PCSK7: variants seen among roughly 807,000 people sequenced by gnomAD.
PCSK7 encodes lymphoma proprotein convertase.
Under a neutral mutation model 73.3 loss-of-function variants are expected in PCSK7, and 38 were observed. The observed-to-expected ratio is 0.52, with a 90% confidence interval of 0.40 to 0.68. PCSK7 has a LOEUF of 0.68. Ranked by LOEUF, PCSK7 falls within the 30% of genes least tolerant of loss-of-function variation. PCSK7 has a pLI of 0.00. For missense variants in PCSK7, 692 were observed against 991.5 expected (o/e 0.70, Z 4.06); for synonymous variants, 296 against 383.8 (o/e 0.77, Z 2.68).
At chr11:117,219,487 G>A (rs2032110711) in intron 10 of PCSK7, 104 bp downstream of exon 10, 1 of 1,119,524 alleles carries the variant, frequency 8.9e-7, no homozygotes. Flanking sequence ...CTCTGAAAGA[G>A]ACTTAGTATC....
Position 117,218,396 on chromosome 11 carries a change from G to T in PCSK7, c.1534+70C>A. On this transcript the variant is annotated intron_variant, in intron 12 of 16. Transcript: ENST00000320934. This position sits in a 1 kb window ranked among gnomAD's most constrained non-coding sequence, Gnocchi z 4.0. ...GGGTAGAATCTGGCAGGGAGGACGA[G>T]TTTAACTTCCTTGTCACCCGGCCCC... 1 of 822,416 alleles carries T rather than the reference G, an allele frequency of 1.2e-6. No homozygotes were observed. The highest frequency in any genetic ancestry group is 1.9e-6 in the Non-Finnish European group (1 of 527,382). The allele number at this position is 822,416 out of a possible 1,614,324, so 50.9% of individuals were successfully genotyped here.
chr11:117,224,998 G>A (rs993590040), intron 6 of PCSK7: 9 of 506,358 alleles, frequency 1.8e-5, no homozygotes, highest in African/African-American at 1.7e-4. Context: ...AGCCCATAGT[G>A]GCAGAGAGGG....
At chr11:117,211,952 T>C (rs1229755138) in intron 12 of PCSK7, 2 of 152,254 alleles carry the variant, frequency 1.3e-5, no homozygotes, top group Admixed American at 1.3e-4. Context: ...GAATGGTACC[T>C]AGCTAATGTT....
intron 3 of PCSK7, among the ~76,000 whole-genome samples, chr11:117,228,638 G>A (rs530052429): frequency 1.4e-5 from 2 of 147,900 alleles, no homozygotes; most frequent in South Asian, 4.3e-4. Flanking sequence ...TTTTGAGACG[G>A]AGTCTTGCTC....
At chr11:117,215,364 T>TTTTTGTGTGTGTGTG (rs57433360) in intron 12 of PCSK7, 1 of 84,902 alleles carries the variant, frequency 1.2e-5, no homozygotes, top group African/African-American at 7.5e-5. Context: ...CCTGGCTAAT[T>TTTTTGTGTGTGTGTG]TGTGTGTGTG....
rs749915029 is a variant in PCSK7, at chr11:117,227,202, T to C, written c.724A>G (p.Asn242Asp). 6 of 1,611,548 alleles carry C rather than the reference T, an allele frequency of 3.7e-6. No homozygotes were observed. The Admixed American group carries it at 5.0e-5, about 14-fold the overall frequency. The change falls in exon 5 of 17, where the codon AAC (asparagine) becomes GAC (aspartate). Residue 242 changes from asparagine to aspartate, a missense_variant. By Grantham distance (23) the Asn-to-Asp change is conservative. Coordinates refer to ENST00000320934, the MANE Select transcript of PCSK7 (RefSeq NM_004716.4). ...CAGEIAAVPN[N>D]SFCAVGVAYG... ...GCCACGCCCACGGCACAGAAGCTGT[T>C]GTTGGGCACAGCCGCGATCTCTCCT...
intron 12 of PCSK7, chr11:117,215,380 G>GTGTGTGTGTGTGTATGTA (rs1164738557): frequency 3.6e-5 from 2 of 55,896 alleles, no homozygotes; most frequent in Admixed American, 2.1e-4. Context: ...GTGTGTGTGT[G>GTGTGTGTGTGTGTATGTA]TATATATATA....
At position 117,218,592 on chromosome 11, in the gene PCSK7, G is replaced by T; in HGVS notation, c.1432-24C>A. On this transcript the variant is annotated intron_variant, in intron 11 of 16. Coordinates refer to ENST00000320934, the MANE Select transcript of PCSK7 (RefSeq NM_004716.4). This position sits in a 1 kb window ranked among gnomAD's most constrained non-coding sequence, Gnocchi z 4.0. Reference sequence around the variant, plus strand: ...ATCTATGAAAGGAAAGGAGGGGATGGCAAATCAACAAACAAGAATGATCAC... The same window carrying T: ...ATCTATGAAAGGAAAGGAGGGGATGTCAAATCAACAAACAAGAATGATCAC... The T allele has an allele frequency of 7.6e-7, 1 of 1,316,166 alleles. No homozygotes were observed. The highest frequency in any genetic ancestry group is 1.1e-6 in the Non-Finnish European group (1 of 926,676). 81.5% of individuals were successfully genotyped at this position (1,316,166 alleles called of 1,614,324 possible).
chr11:117,227,114 C>A, intron 5 of PCSK7, 43 bp downstream of exon 5: 1 of 1,519,962 alleles, frequency 6.6e-7, no homozygotes, highest in South Asian at 1.2e-5. Context: ...AGACTGTGGT[C>A]ACAGGAGCAG....
Position 117,219,714 on chromosome 11 carries a change from C to G in PCSK7, c.1200G>C (p.Glu400Asp). The change falls in exon 10 of 17, where the codon GAG (glutamate) becomes GAC (aspartate). Residue 400 changes from glutamate to aspartate, a missense_variant. Transcript: ENST00000320934. ...CTGCAGCTGAGGTCCCTGTGTGGCCCTCAGTGCAGCCAGTGCCCTTCTGAA... is the reference window on the plus strand; with the variant it reads ...CTGCAGCTGAGGTCCCTGTGTGGCCGTCAGTGCAGCCAGTGCCCTTCTGAA... ...WDLQKGTGCT[E>D]GHTGTSAAAP... 6.2e-7 allele frequency: 1 copy of G among 1,606,584 alleles called. No individual in the cohort carries two copies. Among genetic ancestry groups the G allele is most frequent in the Non-Finnish European group, 8.5e-7 (1 of 1,176,722 alleles).
rs780059016 is a variant in PCSK7 at position 117,223,285 on chromosome 11, T to G, written c.1078A>C (p.Met360Leu). Reference sequence around the variant, plus strand: ...GCACATTCTTCTGCATAGAAAGGCATGCGTCCCTCCTCATCCACAGCTCCT... The same window carrying G: ...GCACATTCTTCTGCATAGAAAGGCAGGCGTCCCTCCTCATCCACAGCTCCT... Reference protein sequence around the residue: ...TIGAVDEEGRMPFYAEECASM... With the variant: ...TIGAVDEEGRLPFYAEECASM... Residue 360 changes from methionine (M) to leucine (L), a missense_variant, in exon 9 of 17, where the codon ATG becomes CTG. Transcript: ENST00000320934. 10 of 1,612,258 alleles carry G rather than the reference T, an allele frequency of 6.2e-6. No individual in the cohort carries two copies. The East Asian group carries it at 1.6e-4, about 25-fold the overall frequency.
In PCSK7 at chr11:117,229,793, G is replaced by T. The variant is rs1481755004; in HGVS notation, c.52C>A (p.Pro18Thr). Reference sequence around the variant, plus strand: ...GCTAATTCCAGCCAGAGGCAGGTGGGCAGGCCCAGGGGGGCATCCAAGTGT... The same window carrying T: ...GCTAATTCCAGCCAGAGGCAGGTGGTCAGGCCCAGGGGGGCATCCAAGTGT... Reference protein sequence around the residue: ...VPHLDAPLGLPTCLWLELAGL... With the variant: ...VPHLDAPLGLTTCLWLELAGL... Residue 18 changes from proline to threonine, a missense_variant, in exon 3 of 17, where the codon CCC becomes ACC. This residue lies in a region of PCSK7 where 574 missense variants were observed against 689.8 expected (regional missense o/e 0.83). Coordinates refer to ENST00000320934, the MANE Select transcript of PCSK7 (RefSeq NM_004716.4). 1 of 1,608,408 alleles carries T rather than the reference G, an allele frequency of 6.2e-7. No individual in the cohort carries two copies. Among genetic ancestry groups the T allele is most frequent in the Admixed American group, 1.7e-5 (1 of 59,616 alleles).
intron 16 of PCSK7, 22 bp from the exon 17 acceptor site, chr11:117,206,378 A>G (rs766483937): frequency 2.5e-6 from 4 of 1,588,460 alleles, no homozygotes; most frequent in Middle Eastern, 1.7e-4. Context: ...GCAAGCACCT[A>G]CGTGAGGCAC....
In PCSK7 at chr11:117,228,294, A is replaced by G. The variant is rs534958050; in HGVS notation, c.525T>C (p.Asn175=). 6.2e-7 allele frequency: 1 copy of G among 1,613,916 alleles called. No individual in the cohort carries two copies. Among genetic ancestry groups the G allele is most frequent in the Non-Finnish European group, 8.5e-7 (1 of 1,179,890 alleles). Residue 175 remains asparagine, a synonymous_variant, in exon 4 of 17, where the codon AAT becomes AAC. Transcript: ENST00000320934. The stretch of plus-strand genomic sequence containing the variant: ...CCACCGTCACCCCTCGCCCAGTCAC[A>G]TTGCGTTCCCACACACCCGTCACGT... ...DINVTGVWER[N]VTGRGVTVVV... is the part of the protein sequence containing the mutation.
Position 117,218,527 on chromosome 11 carries a change from G to A in PCSK7, c.1473C>T (p.Pro491=), listed in dbSNP as rs370459238. The stretch of plus-strand genomic sequence containing the variant: ...GAATCGCCTTGTTTTCTTTTAACAC[G>A]GGACTGACGTAGGATGCTAAGTAAG... ...SVPYLASYVS[P]VLKENKAIPQ... The change falls in exon 12 of 17, where the codon CCC becomes CCT. Residue 491 remains proline (P), a synonymous_variant. Transcript: ENST00000320934. This position sits in a 1 kb window ranked among gnomAD's most constrained non-coding sequence, Gnocchi z 4.0. 22 of 1,610,126 alleles carry A rather than the reference G, an allele frequency of 1.4e-5. No homozygotes were observed. The highest frequency in any genetic ancestry group is 1.8e-5 in the Non-Finnish European group (21 of 1,178,012).
Position 117,204,930 on chromosome 11 carries a change from C to G in PCSK7, c.*1067G>C. 1 of 206,102 alleles carries G rather than the reference C, an allele frequency of 4.9e-6. No homozygotes were observed. The highest frequency in any genetic ancestry group is 1.0e-5 in the Non-Finnish European group (1 of 98,788). The allele number at this position is 206,102 out of a possible 1,614,324, so 12.8% of individuals were successfully genotyped here. A position where few individuals can be genotyped will look rare whatever the true frequency, so the allele number is the denominator to read the frequency against. ...GAAGGACCCTTCATGTGCCAAGATTCCAGGACAGTCAGATTCTTTCAGAGG... is the reference window on the plus strand; with the variant it reads ...GAAGGACCCTTCATGTGCCAAGATTGCAGGACAGTCAGATTCTTTCAGAGG... On this transcript the variant is annotated 3_prime_UTR_variant, in exon 17 of 17. Transcript: ENST00000320934.
At chr11:117,225,319 C>T (rs1330243133) in intron 6 of PCSK7, 1 of 157,352 alleles carries the variant, frequency 6.4e-6, no homozygotes, top group East Asian at 1.9e-4. Context: ...GCCTCAGCCT[C>T]CCAAAGTGCT....
rs61906488 is a variant in PCSK7, at chr11:117,218,789, T to C, written c.1432-221A>G. On this transcript the variant is annotated intron_variant, in intron 11 of 16. Transcript: ENST00000320934. This position sits in a 1 kb window ranked among gnomAD's most constrained non-coding sequence, Gnocchi z 4.0. ...CCAGAGGAAACAGCTGTGTCCAGGG[T>C]GGAGGAGGGGAACCAGAGCATCCTG... The C allele has an allele frequency of 0.03, 17,034 of 566,872 alleles. 326 individuals are homozygous for C. Among genetic ancestry groups the C allele is most frequent in the Non-Finnish European group, 0.036 (11,307 of 317,680 alleles). The allele number at this position is 566,872 out of a possible 1,614,324, so 35.1% of individuals were successfully genotyped here.
chr11:117,209,482 G>A (rs1191671838), intron 12 of PCSK7: 83 of 189,042 alleles, frequency 4.4e-4, no homozygotes, highest in Non-Finnish European at 5.4e-5. Flanking sequence ...AGTCAGATGG[G>A]TTTAGGCACA....
Sources: allele counts gnomAD v4.1 joint callset (sites outside exome capture counted in the v4.1 genomes callset), GRCh38; gene constraint gnomAD v4.1.1; regional missense constraint gnomAD v4.1.1; non-coding constraint Gnocchi (gnomAD v3.1); transcripts MANE v1.5; gene names NCBI Gene and HGNC (gene_info 2026-07-23, HGNC 2026-07-21).